The following TMEM135 variants were observed in gnomAD, a reference collection of about 807,000 sequenced individuals.
The protein encoded by TMEM135 is transmembrane protein 135.
A neutral mutation model predicts 60.3 loss-of-function variants in TMEM135; 30 were observed. The observed-to-expected ratio is 0.50, with a 90% CI of 0.37 to 0.68. The LOEUF is 0.68. Among genes scored for constraint, TMEM135 ranks in the 30% least tolerant of loss-of-function variants. The pLI is 0.00. For missense variants in TMEM135, 468 were observed against 548.8 expected (o/e 0.85, Z 1.47); for synonymous variants, 190 against 186.7 (o/e 1.02, Z -0.14).
chr11:87,058,637 T>G (rs1421852641), intron 1 of TMEM135, among the ~76,000 whole-genome samples: 1 of 152,100 alleles, frequency 6.6e-6, no homozygotes, highest in Non-Finnish European at 1.5e-5. Flanking sequence ...TTATTTTATT[T>G]TTGACAGAGT....
chr11:87,255,863 C>G (rs966010853), intron 6 of TMEM135, among the ~76,000 whole-genome samples: 35 of 152,034 alleles, frequency 2.3e-4, no homozygotes, highest in African/African-American at 7.2e-4. Context: ...CTAGAGTAGC[C>G]TTTTATATTT....
chr11:87,184,627 C>T (rs1939604870), intron 5 of TMEM135, among the ~76,000 whole-genome samples: 1 of 151,950 alleles, frequency 6.6e-6, no homozygotes, highest in Admixed American at 6.6e-5. Flanking sequence ...GTGTAAGATG[C>T]CCCCCTCTTT....
chr11:87,265,180 A>G (rs1206341329), intron 6 of TMEM135, among the ~76,000 whole-genome samples: 3 of 151,998 alleles, frequency 2.0e-5, no homozygotes, highest in African/African-American at 4.8e-5. Flanking sequence ...TGCTCATTTT[A>G]TAAACTGATA....
chr11:87,219,559 G>A (rs531931190), intron 5 of TMEM135, among the ~76,000 whole-genome samples: 2 of 152,206 alleles, frequency 1.3e-5, no homozygotes, highest in African/African-American at 4.8e-5. Context: ...GCTCTCTCTG[G>A]TGTTGCTTCC....
intron 1 of TMEM135, among the ~76,000 whole-genome samples, chr11:87,058,232 T>A (rs149677781): frequency 3.1e-4 from 47 of 152,346 alleles, no homozygotes; most frequent in African/African-American, 1.1e-3. Context: ...TTTGACCAAA[T>A]GTCTAGGCAT....
chr11:87,145,738 T>C (rs1188909509), intron 4 of TMEM135, among the ~76,000 whole-genome samples: 2 of 152,110 alleles, frequency 1.3e-5, no homozygotes, highest in East Asian at 3.8e-4. Flanking sequence ...TTTTGAGAAA[T>C]GTCTATTCAG....
rs1397127128 is a variant in TMEM135, at chr11:87,324,876, A to G, written c.*3543A>G. On this transcript the variant is annotated 3_prime_UTR_variant, in exon 15 of 15. Transcript: ENST00000305494. ...ACCTCCTTCTAGTAATCATTTTCACATAGTAGAATACTTCACTCAGCTGAA... is the reference window on the plus strand; with the variant it reads ...ACCTCCTTCTAGTAATCATTTTCACGTAGTAGAATACTTCACTCAGCTGAA... The G allele has an allele frequency of 1.1e-5, 5 of 453,984 alleles. No individual in the cohort carries two copies. Among genetic ancestry groups the G allele is most frequent in the South Asian group, 3.1e-5 (2 of 64,448 alleles). 28.1% of individuals were successfully genotyped at this position (453,984 alleles called of 1,614,324 possible).
chr11:87,276,920 C>T (rs1181409177), intron 6 of TMEM135, among the ~76,000 whole-genome samples: 1 of 151,828 alleles, frequency 6.6e-6, no homozygotes, highest in East Asian at 1.9e-4. Flanking sequence ...GGTCCGCCTG[C>T]CTCGGCCTCC....
chr11:87,307,394 A>AG (rs1942568571), intron 9 of TMEM135, among the ~76,000 whole-genome samples: 1 of 151,916 alleles, frequency 6.6e-6, no homozygotes. Context: ...AAAAAAAAAA[A>AG]AGTAACATTG....
intron 5 of TMEM135, among the ~76,000 whole-genome samples, chr11:87,181,631 T>G (rs1939517978): frequency 6.6e-6 from 1 of 152,138 alleles, no homozygotes; most frequent in African/African-American, 2.4e-5. Flanking sequence ...ATTTTCTGAG[T>G]GATGAAACTG....
Position 87,102,720 on chromosome 11 carries a change from A to ACG in TMEM135, c.396+11325_396+11326insCG, listed in dbSNP as rs1565441768. ...TATATATATGTATATATATGTATATATATATATGTATATATATATGTATAT... is the reference window on the plus strand; with the variant it reads ...TATATATATGTATATATATGTATATACGTATATATGTATATATATATGTATAT... On this transcript the variant is annotated intron_variant, in intron 4 of 14. Transcript: ENST00000305494. Among the ~76,000 whole-genome samples the ACG allele has an allele frequency of 6.8e-5, 9 of 131,914 alleles. No individual in the cohort carries two copies. In the East Asian group the frequency reaches 2.6e-3, roughly 37 times the overall value. 86.5% of individuals were successfully genotyped at this position (131,914 alleles called of 152,430 possible). A position where few individuals can be genotyped will look rare whatever the true frequency, so the allele number is the denominator to read the frequency against.
At chr11:87,064,956 T>C (rs12360980) in intron 1 of TMEM135, among the ~76,000 whole-genome samples, 12,900 of 151,376 alleles carry the variant, frequency 0.085, 606 homozygotes, top group East Asian at 0.17. Flanking sequence ...ATTAGCTTTT[T>C]TTTTTTCCCC....
At chr11:87,281,136 T>C (rs934022291) in intron 6 of TMEM135, among the ~76,000 whole-genome samples, 1 of 152,184 alleles carries the variant, frequency 6.6e-6, no homozygotes. Flanking sequence ...TGGGAGTTGT[T>C]AATGAGTATA....
chr11:87,053,121 A>G (rs1046610995), intron 1 of TMEM135, among the ~76,000 whole-genome samples: 4 of 124,528 alleles, frequency 3.2e-5, no homozygotes, highest in Non-Finnish European at 6.4e-5. Flanking sequence ...CAATGAGATC[A>G]CATGGACACA....
At chr11:87,178,475 C>T (rs1408383967) in intron 5 of TMEM135, 1 of 456,082 alleles carries the variant, frequency 2.2e-6, no homozygotes, top group East Asian at 7.0e-5. Flanking sequence ...TCACTGTCTT[C>T]CCCAGGCTGG....
chr11:87,173,637 G>T (rs1939297588), intron 5 of TMEM135, among the ~76,000 whole-genome samples: 2 of 152,044 alleles, frequency 1.3e-5, no homozygotes, highest in Non-Finnish European at 1.5e-5. Flanking sequence ...GAATTAGCCT[G>T]TTCTAAATCT....
intron 4 of TMEM135, among the ~76,000 whole-genome samples, chr11:87,137,122 AGTT>A (rs1322453148): frequency 6.6e-6 from 1 of 152,114 alleles, no homozygotes; most frequent in Non-Finnish European, 1.5e-5. Flanking sequence ...TTTATTGTGA[AGTT>A]GTATCAGTTT....
At chr11:87,038,695 C>T (rs1949726010) in intron 1 of TMEM135, among the ~76,000 whole-genome samples, 2 of 145,746 alleles carry the variant, frequency 1.4e-5, no homozygotes, top group African/African-American at 5.1e-5. Context: ...TTTGAGATGA[C>T]AGGATTGTGA....
intron 6 of TMEM135, among the ~76,000 whole-genome samples, chr11:87,256,899 T>C (rs192034883): frequency 2.0e-5 from 3 of 152,170 alleles, no homozygotes; most frequent in Non-Finnish European, 2.9e-5. Context: ...ACTTCTTTCC[T>C]CTCTCCTTCC....
Sources: allele counts gnomAD v4.1 joint callset (sites outside exome capture counted in the v4.1 genomes callset), GRCh38; gene constraint gnomAD v4.1.1; transcripts MANE v1.5; gene names NCBI Gene and HGNC (gene_info 2026-07-23, HGNC 2026-07-21).